The following FMN1 variants were observed in gnomAD, a reference collection of about 807,000 sequenced individuals.
FMN1 encodes the protein formin 1.
In FMN1, 110 loss-of-function variants were observed where a neutral mutation model predicts 132.4. That is an observed-to-expected ratio of 0.83 (90% CI 0.71 to 0.97). The LOEUF (loss-of-function observed/expected upper bound fraction) is 0.97, where lower values mean the gene tolerates loss of function less well. FMN1 is among the 50% of genes least tolerant of loss of function. FMN1 has a pLI of 0.00. For missense variants in FMN1, 1,792 were observed against 1,705.3 expected (o/e 1.05, Z -0.90); for synonymous variants, 722 against 651.7 (o/e 1.11, Z -1.64).
chr15:33,088,919 G>A lies in FMN1; in HGVS notation c.1923C>T (p.Asp641=), dbSNP rs2038803750. Residue 641 remains aspartate (D), a synonymous_variant, in exon 5 of 21, where the codon GAC becomes GAT. Transcript: ENST00000616417. ...WDGFNEQTPK[D]LPNRDGGAWV... The stretch of plus-strand genomic sequence containing the variant: ...ACGCGCCTCCATCTCTGTTGGGAAG[G>A]TCTTTAGGTGTCTGCTCATTGAAGC... 2 of 1,535,906 alleles carry A rather than the reference G, an allele frequency of 1.3e-6. No individual in the cohort carries two copies. The highest frequency in any genetic ancestry group is 1.4e-5 in the African/African-American group (1 of 73,104).
intron 7 of FMN1, among the ~76,000 whole-genome samples, chr15:33,005,611 A>T (rs1222521728): frequency 1.3e-5 from 2 of 152,100 alleles, no homozygotes; most frequent in Non-Finnish European, 2.9e-5. Context: ...AGCAAGAATT[A>T]AAAAACTGTA....
At chr15:33,083,708 G>A (rs963406134) in intron 5 of FMN1, among the ~76,000 whole-genome samples, 16 of 152,268 alleles carry the variant, frequency 1.1e-4, no homozygotes, top group African/African-American at 3.4e-4. Context: ...TTGAATAGGG[G>A]ATGGGTAAAA....
At position 32,964,074 on chromosome 15, in the gene FMN1, T is replaced by C. The variant is rs771309821; in HGVS notation, c.3138+33A>G. 1.2e-5 allele frequency: 18 copies of C among 1,515,474 alleles called. No homozygotes were observed. The South Asian group carries it at 1.4e-4, about 12-fold the overall frequency. 93.9% of individuals were successfully genotyped at this position (1,515,474 alleles called of 1,614,324 possible). A position where few individuals can be genotyped will look rare whatever the true frequency, so the allele number is the denominator to read the frequency against. On this transcript the variant is annotated intron_variant, in intron 9 of 20. Coordinates refer to ENST00000616417, the MANE Select transcript of FMN1 (RefSeq NM_001277313.2). ...ATATATACCATTTCCCTGTATAATA[T>C]ATAATTACAGCTTTGCCATAATCAC...
chr15:33,078,023 C>T (rs1595421083), intron 5 of FMN1, among the ~76,000 whole-genome samples: 1 of 151,672 alleles, frequency 6.6e-6, no homozygotes, highest in Admixed American at 6.6e-5. Context: ...AATAGGAACA[C>T]CAATTCTTAA....
At chr15:32,947,331 T>A (rs1036601827) in intron 9 of FMN1, among the ~76,000 whole-genome samples, 2 of 152,128 alleles carry the variant, frequency 1.3e-5, no homozygotes, top group Non-Finnish European at 2.9e-5. Flanking sequence ...CATATATGCA[T>A]AGATTTGCTT....
intron 19 of FMN1, among the ~76,000 whole-genome samples, chr15:32,797,813 G>A (rs1461704885): frequency 6.6e-6 from 1 of 152,042 alleles, no homozygotes; most frequent in African/African-American, 2.4e-5. Context: ...AGTGTTTTAA[G>A]GTGAAATATA....
intron 4 of FMN1, among the ~76,000 whole-genome samples, chr15:33,095,716 T>A (rs563878157): frequency 3.9e-5 from 6 of 152,190 alleles, no homozygotes; most frequent in Non-Finnish European, 8.8e-5. Flanking sequence ...AAAAGTCATA[T>A]GGCATTCATT....
chr15:33,078,226 T>A (rs1370206420), intron 5 of FMN1, among the ~76,000 whole-genome samples: 1 of 152,190 alleles, frequency 6.6e-6, no homozygotes, highest in East Asian at 1.9e-4. Context: ...GTTCAAGAAT[T>A]AAATGTGCTA....
At chr15:32,911,220 T>G (rs1173065069) in intron 10 of FMN1, among the ~76,000 whole-genome samples, 1 of 152,214 alleles carries the variant, frequency 6.6e-6, no homozygotes, top group Admixed American at 6.5e-5. Flanking sequence ...TACCTTCCCA[T>G]AGATACTGGG....
chr15:33,019,980 A>C (rs1460149988), intron 6 of FMN1, among the ~76,000 whole-genome samples: 1 of 152,162 alleles, frequency 6.6e-6, no homozygotes, highest in Non-Finnish European at 1.5e-5. Flanking sequence ...GCCAAGGCCG[A>C]GGAGGCACCG....
chr15:32,996,454 G>C (rs971133234), intron 7 of FMN1, among the ~76,000 whole-genome samples: 2 of 152,204 alleles, frequency 1.3e-5, no homozygotes, highest in Non-Finnish European at 2.9e-5. Context: ...CCCAAAGATA[G>C]ATCAGAGGCA....
chr15:32,778,649 A>G (rs2056568516), intron 19 of FMN1, among the ~76,000 whole-genome samples: 1 of 152,158 alleles, frequency 6.6e-6, no homozygotes, highest in African/African-American at 2.4e-5. Flanking sequence ...AAAGGAAGAC[A>G]GTAACAAGTA....
intron 4 of FMN1, among the ~76,000 whole-genome samples, chr15:33,141,404 T>C (rs1964004539): frequency 6.6e-6 from 1 of 152,092 alleles, no homozygotes; most frequent in South Asian, 2.1e-4. Flanking sequence ...TAATTTATCC[T>C]CTCCCATTAC....
intron 17 of FMN1, among the ~76,000 whole-genome samples, chr15:32,835,521 GTTCT>G (rs1220024169): frequency 1.3e-5 from 2 of 152,140 alleles, no homozygotes; most frequent in Non-Finnish European, 2.9e-5. Flanking sequence ...TTTGGTGTGT[GTTCT>G]AAGTTGCAAC....
At chr15:33,074,194 T>C (rs1007590829) in intron 5 of FMN1, among the ~76,000 whole-genome samples, 1 of 152,212 alleles carries the variant, frequency 6.6e-6, no homozygotes, top group Admixed American at 6.5e-5. Flanking sequence ...TGTGGGATCT[T>C]ACCTTCTTCC....
intron 9 of FMN1, among the ~76,000 whole-genome samples, chr15:32,957,747 T>C (rs972511895): frequency 2.6e-5 from 4 of 152,232 alleles, no homozygotes; most frequent in African/African-American, 7.2e-5. Flanking sequence ...AATTTCATAT[T>C]ATACTTATAA....
intron 13 of FMN1, among the ~76,000 whole-genome samples, chr15:32,901,127 C>A (rs2060284229): frequency 6.6e-6 from 1 of 151,924 alleles, no homozygotes; most frequent in Non-Finnish European, 1.5e-5. Flanking sequence ...GCACTCCAGC[C>A]TGGGCAAGAA....
chr15:32,798,688 C>T, intron 19 of FMN1, 116 bp downstream of exon 19: 2 of 981,204 alleles, frequency 2.0e-6, no homozygotes, highest in East Asian at 2.7e-5. Flanking sequence ...TCCCCTATGA[C>T]CACTTCATCC....
At chr15:33,150,379 TTGG>T in intron 4 of FMN1, 1 of 985,374 alleles carries the variant, frequency 1.0e-6, no homozygotes, top group Non-Finnish European at 1.2e-6. Context: ...AATCTCCAGG[TTGG>T]TGGTGGGAGG....
Sources: gnomAD v4.1 joint callset for allele counts (sites outside exome capture counted in the v4.1 genomes callset) on GRCh38, gnomAD v4.1.1 for gene constraint, MANE v1.5 for transcripts, NCBI Gene and HGNC (gene_info 2026-07-23, HGNC 2026-07-21) for gene names.